Variants in NRXN3 observed in about 807,000 individuals in gnomAD.
NRXN3 encodes the protein neurexin III.
In NRXN3, 32 loss-of-function variants were observed where a neutral mutation model predicts 137.6. The observed-to-expected ratio is 0.23, with a 90% CI of 0.18 to 0.31. The LOEUF is 0.31. Among genes scored for constraint, NRXN3 ranks in the 10% least tolerant of loss-of-function variants. The pLI is 1.00. For synonymous variants in NRXN3, 798 were observed against 784.5 expected (o/e 1.02, Z -0.29); for missense variants, 1,574 against 2,062.5 (o/e 0.76, Z 4.59).
chr14:79,318,394 C>T (rs2089326430), intron 15 of NRXN3, among the ~76,000 whole-genome samples: 1 of 152,162 alleles, frequency 6.6e-6, no homozygotes, highest in Non-Finnish European at 1.5e-5. Context: ...GACCCAGAAA[C>T]AACACGGAGT....
At chr14:78,737,939 G>A (rs1030392775) in intron 8 of NRXN3, among the ~76,000 whole-genome samples, 3 of 152,116 alleles carry the variant, frequency 2.0e-5, no homozygotes, top group Non-Finnish European at 1.5e-5. Flanking sequence ...CTATCACTGC[G>A]CGGGGTGGGA....
chr14:79,369,363 C>T (rs960379573), intron 15 of NRXN3, among the ~76,000 whole-genome samples: 2 of 152,190 alleles, frequency 1.3e-5, no homozygotes, highest in African/African-American at 2.4e-5. Context: ...ATAGGAAAGG[C>T]GATTGGTAGT....
At chr14:79,497,220 G>A (rs2096775344) in intron 16 of NRXN3, among the ~76,000 whole-genome samples, 1 of 152,130 alleles carries the variant, frequency 6.6e-6, no homozygotes, top group Admixed American at 6.5e-5. Context: ...TGGTGATGAA[G>A]CCAGAACGTA....
chr14:79,152,552 T>C (rs1460524309), intron 15 of NRXN3, among the ~76,000 whole-genome samples: 1 of 152,014 alleles, frequency 6.6e-6, no homozygotes, highest in Non-Finnish European at 1.5e-5. Context: ...CAGTTCCATG[T>C]GGCTGGGGAG....
At chr14:79,292,924 A>G (rs541681054) in intron 15 of NRXN3, among the ~76,000 whole-genome samples, 2 of 152,344 alleles carry the variant, frequency 1.3e-5, no homozygotes, top group Middle Eastern at 3.4e-3. Context: ...GGTATCATTT[A>G]TCAGTGCAGT....
chr14:79,206,222 A>G (rs2066762164), intron 15 of NRXN3, among the ~76,000 whole-genome samples: 1 of 152,230 alleles, frequency 6.6e-6, no homozygotes, highest in Non-Finnish European at 1.5e-5. Context: ...TAGCAGATGT[A>G]TATATGGTGC....
chr14:79,692,501 C>A (rs1194118242), intron 18 of NRXN3, among the ~76,000 whole-genome samples: 8 of 152,012 alleles, frequency 5.3e-5, no homozygotes, highest in Non-Finnish European at 7.4e-5. Context: ...ATGACAAACA[C>A]AAACAAGAAA....
Position 78,896,392 on chromosome 14 carries a change from ATTAG to A in NRXN3, c.2276-60846_2276-60843del, listed in dbSNP as rs1481689102. Among the ~76,000 whole-genome samples, 12 of 152,020 alleles carry A rather than the reference ATTAG, an allele frequency of 7.9e-5. No individual in the cohort carries two copies. The East Asian group carries it at 2.1e-3, about 27-fold the overall frequency. On this transcript the variant is annotated intron_variant, in intron 10 of 20. Transcript: ENST00000335750. ...TGTAAAATAATATAATAATAATAGAATTAGTTAAACATGGTGATTACTATTACGT... is the reference window on the plus strand; with the variant it reads ...TGTAAAATAATATAATAATAATAGAATTAAACATGGTGATTACTATTACGT...
In NRXN3 at chr14:78,243,720, T is replaced by C; in HGVS notation, c.627T>C (p.Asn209=). The C allele has an allele frequency of 1.3e-6, 2 of 1,598,196 alleles. No individual in the cohort carries two copies. The highest frequency in any genetic ancestry group is 2.2e-5 in the East Asian group (1 of 44,860). The part of the protein sequence containing the change: ...EGPCGERPCE[N]GGICFLLDGH... ...CCTGTGGTGAGCGTCCCTGTGAAAA[T>C]GGTGGGATCTGCTTTCTCCTGGACG... The change falls in exon 2 of 21, where the codon AAT becomes AAC. Residue 209 remains asparagine (N), a synonymous_variant. Transcript: ENST00000335750. The surrounding 1 kb of genome is among the most constrained non-coding windows in gnomAD (Gnocchi z 4.2).
At chr14:78,633,955 C>T (rs1012373951) in intron 4 of NRXN3, among the ~76,000 whole-genome samples, 3 of 152,194 alleles carry the variant, frequency 2.0e-5, no homozygotes, top group Non-Finnish European at 2.9e-5. Flanking sequence ...GGGCTGCCCT[C>T]CCTCCCCCTG....
chr14:79,062,796 A>G (rs895116612), intron 15 of NRXN3, among the ~76,000 whole-genome samples: 1 of 152,114 alleles, frequency 6.6e-6, no homozygotes, highest in African/African-American at 2.4e-5. Flanking sequence ...CTCATTCTCT[A>G]TTCAATTTTG....
At chr14:78,660,638 G>T (rs1412775566) in intron 6 of NRXN3, among the ~76,000 whole-genome samples, 2 of 152,156 alleles carry the variant, frequency 1.3e-5, no homozygotes, top group Non-Finnish European at 2.9e-5. Flanking sequence ...AGCCAGGATA[G>T]AGAAAATCAG....
chr14:79,819,731 C>A (rs1395259890), intron 20 of NRXN3, among the ~76,000 whole-genome samples: 1 of 151,980 alleles, frequency 6.6e-6, no homozygotes, highest in Non-Finnish European at 1.5e-5. Context: ...GATTTGCCCC[C>A]CTCGGCCTCC....
At chr14:79,129,970 A>C (rs113660356) in intron 15 of NRXN3, among the ~76,000 whole-genome samples, 1 of 150,788 alleles carries the variant, frequency 6.6e-6, no homozygotes, top group African/African-American at 2.4e-5. Context: ...GTTGGTTTAA[A>C]GTCTGTTTTA....
At chr14:79,628,852 T>C (rs2098311803) in intron 16 of NRXN3, among the ~76,000 whole-genome samples, 1 of 152,190 alleles carries the variant, frequency 6.6e-6, no homozygotes, top group Non-Finnish European at 1.5e-5. Flanking sequence ...CATAGTTATA[T>C]TTTGAGTAAT....
intron 15 of NRXN3, among the ~76,000 whole-genome samples, chr14:79,230,363 G>C (rs766373407): frequency 2.0e-5 from 3 of 151,938 alleles, no homozygotes; most frequent in Non-Finnish European, 2.9e-5. Context: ...AAGTGACAAG[G>C]GTTGCCTAGC....
In NRXN3 at chr14:79,225,031, A is replaced by G. The variant is rs1006848292; in HGVS notation, c.3262+236890A>G. ...CAAGGAGGCTGCTGAACCCAGCTGGACACTGAGGGGCATCCACAGAGGTCA... is the reference window on the plus strand; with the variant it reads ...CAAGGAGGCTGCTGAACCCAGCTGGGCACTGAGGGGCATCCACAGAGGTCA... On this transcript the variant is annotated intron_variant, in intron 15 of 20. Transcript: ENST00000335750. Among the ~76,000 whole-genome samples, 7 of 152,288 alleles carry G rather than the reference A, an allele frequency of 4.6e-5. No individual in the cohort carries two copies. The East Asian group carries it at 1.4e-3, about 29-fold the overall frequency.
rs2099415254 is a variant in NRXN3 at position 79,862,508 on chromosome 14, C to T, written c.*544C>T. ...ACAAACAAAAAAAAAAACCCACAACCCTTATCTGGTTCTGACCAGTGTGCG... is the reference window on the plus strand; with the variant it reads ...ACAAACAAAAAAAAAAACCCACAACTCTTATCTGGTTCTGACCAGTGTGCG... On this transcript the variant is annotated 3_prime_UTR_variant, in exon 21 of 21. Coordinates refer to ENST00000335750, the MANE Select transcript of NRXN3 (RefSeq NM_001330195.2). The T allele has an allele frequency of 6.6e-6, 1 of 151,834 alleles. No individual in the cohort carries two copies. The highest frequency in any genetic ancestry group is 1.5e-5 in the Non-Finnish European group (1 of 67,994). 9.4% of individuals were successfully genotyped at this position (151,834 alleles called of 1,614,324 possible). A position where few individuals can be genotyped will look rare whatever the true frequency, so the allele number is the denominator to read the frequency against.
At chr14:79,589,201 G>A (rs778546391) in intron 16 of NRXN3, among the ~76,000 whole-genome samples, 2 of 152,174 alleles carry the variant, frequency 1.3e-5, no homozygotes, top group Non-Finnish European at 2.9e-5. Flanking sequence ...GCTACAGTGA[G>A]CTGTGATCAT....
Sources: allele counts gnomAD v4.1 joint callset (sites outside exome capture counted in the v4.1 genomes callset), GRCh38; gene constraint gnomAD v4.1.1; non-coding constraint Gnocchi (gnomAD v3.1); transcripts MANE v1.5; gene names NCBI Gene and HGNC (gene_info 2026-07-23, HGNC 2026-07-21).